The following CDH18 variants were observed in gnomAD, a reference collection of about 807,000 sequenced individuals.
The protein encoded by CDH18 is cadherin-18.
CDH18 carries 31 observed loss-of-function variants against 67.9 expected under a neutral mutation model. That is an observed-to-expected ratio of 0.46 (90% CI 0.34 to 0.62). The LOEUF (loss-of-function observed/expected upper bound fraction) is 0.62. Ranked by LOEUF, CDH18 falls within the 20% of genes least tolerant of loss-of-function variation. The pLI is 0.01. For synonymous variants in CDH18, 362 were observed against 347.2 expected, an observed-to-expected ratio of 1.04 and a Z score of -0.48; for missense variants, 890 against 975.5, an observed-to-expected ratio of 0.91 and a Z score of 1.17.
chr5:20,352,523 G>C (rs764418320), intron 1 of CDH18, among the ~76,000 whole-genome samples: 28 of 150,744 alleles, frequency 1.9e-4, no homozygotes, highest in Non-Finnish European at 3.1e-4. Context: ...GCTCACGCCT[G>C]TAATCCCAGC....
chr5:20,437,371 T>A (rs1214642911), intron 1 of CDH18, among the ~76,000 whole-genome samples: 2 of 151,188 alleles, frequency 1.3e-5, no homozygotes. Flanking sequence ...TAGAAAAAAA[T>A]TAATACAATT....
intron 2 of CDH18, among the ~76,000 whole-genome samples, chr5:20,194,694 C>A (rs114644190): frequency 6.6e-6 from 1 of 151,848 alleles, no homozygotes; most frequent in African/African-American, 2.4e-5. Context: ...TGCATCTTGA[C>A]CATCTAGATG....
intron 2 of CDH18, among the ~76,000 whole-genome samples, chr5:20,013,772 A>T (rs929023745): frequency 2.6e-5 from 4 of 152,124 alleles, no homozygotes; most frequent in African/African-American, 9.7e-5. Context: ...CCAAAAAAAT[A>T]TCTCTTCATC....
chr5:19,785,680 ATATATATAT>A (rs1183548692), intron 3 of CDH18, among the ~76,000 whole-genome samples: 30 of 13,156 alleles, frequency 2.3e-3, no homozygotes, highest in Admixed American at 6.4e-3. Flanking sequence ...AAAAAAAAAA[ATATATATAT>A]ATATATATAT....
chr5:19,566,273 G>T (rs547668031), intron 8 of CDH18, among the ~76,000 whole-genome samples: 6 of 152,148 alleles, frequency 3.9e-5, no homozygotes, highest in Non-Finnish European at 8.8e-5. Flanking sequence ...TATCCTGTTG[G>T]TGGGAACGTA....
chr5:19,829,049 A>C (rs547380344), intron 3 of CDH18, among the ~76,000 whole-genome samples: 2 of 152,066 alleles, frequency 1.3e-5, no homozygotes, highest in African/African-American at 4.8e-5. Flanking sequence ...AAAATAAATT[A>C]ATTAATTAAT....
intron 2 of CDH18, among the ~76,000 whole-genome samples, chr5:19,914,255 AAAG>A (rs1316013226): frequency 2.0e-5 from 3 of 152,114 alleles, no homozygotes; most frequent in Admixed American, 6.6e-5. Flanking sequence ...CTGCTGAAGG[AAAG>A]AAGACCATTC....
intron 2 of CDH18, among the ~76,000 whole-genome samples, chr5:20,097,277 T>A (rs2150571285): frequency 6.6e-6 from 1 of 152,214 alleles, no homozygotes; most frequent in East Asian, 1.9e-4. Context: ...GACTGGGTGA[T>A]CTATAAAGAA....
chr5:20,519,942 C>CTTTTTTTTTTTTTTTTTTTT lies in CDH18; in HGVS notation c.-580+55500_-580+55519dup, dbSNP rs777265512. ...AGGCTGGAGTACAACACAGTCTTGGCTTTTTTTTTTTTTTTTTTTTTTTTT... is the reference window on the plus strand; with the variant it reads ...AGGCTGGAGTACAACACAGTCTTGGCTTTTTTTTTTTTTTTTTTTTTTTTTTTTTTTTTTTTTTTTTTTTT... On this transcript the variant is annotated intron_variant, in intron 1 of 14. Transcript: ENST00000507958. Among the ~76,000 whole-genome samples the CTTTTTTTTTTTTTTTTTTTT allele has an allele frequency of 7.0e-4, 29 of 41,690 alleles. 9 individuals carry two copies. The highest frequency in any genetic ancestry group is 1.2e-3 in the African/African-American group (13 of 11,260). The allele number at this position is 41,690 out of a possible 152,430, so 27.4% of individuals were successfully genotyped here.
intron 1 of CDH18, among the ~76,000 whole-genome samples, chr5:20,285,428 C>A (rs907889049): frequency 1.7e-5 from 2 of 115,558 alleles, no homozygotes; most frequent in African/African-American, 3.0e-5. Context: ...ATAATATAAT[C>A]ATAATATAAT....
At chr5:20,020,601 G>T (rs950398355) in intron 2 of CDH18, among the ~76,000 whole-genome samples, 2 of 152,158 alleles carry the variant, frequency 1.3e-5, no homozygotes, top group Non-Finnish European at 2.9e-5. Context: ...TCCAGAGGGT[G>T]TAAGCCATAA....
At chr5:19,590,484 G>GGATAGATAGATAGATAGATAGATAGATA (rs145201697) in intron 7 of CDH18, among the ~76,000 whole-genome samples, 5 of 149,818 alleles carry the variant, frequency 3.3e-5, no homozygotes, top group Non-Finnish European at 7.4e-5. Flanking sequence ...CTAGACAGAT[G>GGATAGATAGATAGATAGATAGATAGATA]GATAGATAGA....
intron 3 of CDH18, among the ~76,000 whole-genome samples, chr5:19,775,323 A>G (rs149349323): frequency 1.3e-5 from 2 of 152,236 alleles, no homozygotes; most frequent in East Asian, 3.9e-4. Flanking sequence ...ATAAAGAAAT[A>G]CCTGAGACGG....
chr5:19,578,281 T>C (rs1257982803), intron 7 of CDH18, among the ~76,000 whole-genome samples: 2 of 152,328 alleles, frequency 1.3e-5, no homozygotes, highest in East Asian at 1.9e-4. Context: ...ATTGCAGTTA[T>C]GTGCTCTTCC....
At chr5:20,054,408 T>C (rs1471557541) in intron 2 of CDH18, among the ~76,000 whole-genome samples, 9 of 152,170 alleles carry the variant, frequency 5.9e-5, no homozygotes, top group Non-Finnish European at 1.3e-4. Flanking sequence ...TTTTCCTTTG[T>C]ACTGAAACCA....
chr5:20,220,407 G>C (rs1437581434), intron 2 of CDH18, among the ~76,000 whole-genome samples: 1 of 151,912 alleles, frequency 6.6e-6, no homozygotes. Context: ...ATAGTGCTGA[G>C]AGAAATGGAT....
intron 1 of CDH18, among the ~76,000 whole-genome samples, chr5:20,408,379 A>T (rs1746482984): frequency 1.3e-5 from 2 of 152,016 alleles, no homozygotes. Context: ...CATTTTTTTA[A>T]TCTTGGGGGT....
Position 19,472,263 on chromosome 5 carries a change from A to G in CDH18, c.*963T>C, listed in dbSNP as rs2126479338. Among the ~76,000 whole-genome samples, 1 of 152,266 alleles carries G rather than the reference A, an allele frequency of 6.6e-6. No individual in the cohort carries two copies. Among genetic ancestry groups the G allele is most frequent in the African/African-American group, 2.4e-5 (1 of 41,560 alleles). On this transcript the variant is annotated 3_prime_UTR_variant, in exon 13 of 13. Coordinates refer to ENST00000382275, the MANE Select transcript of CDH18 (RefSeq NM_004934.5). ...TTACTGCTCGTGTTGAAAATAAGTG[A>G]ATTAGACTGAAGTACAAACCAGCCA...
intron 11 of CDH18, among the ~76,000 whole-genome samples, chr5:19,489,072 G>A (rs1293830415): frequency 6.6e-6 from 1 of 151,824 alleles, no homozygotes; most frequent in Non-Finnish European, 1.5e-5. Flanking sequence ...TAAAATCCTG[G>A]ATAAATACAG....
Sources: allele counts gnomAD v4.1 joint callset (sites outside exome capture counted in the v4.1 genomes callset), GRCh38; gene constraint gnomAD v4.1.1; transcripts MANE v1.5; gene names NCBI Gene and HGNC (gene_info 2026-07-23, HGNC 2026-07-21).